The following MMP26 variants were observed in gnomAD, a reference collection of about 807,000 sequenced individuals.
MMP26 encodes matrix metalloproteinase-26.
In MMP26, 33 loss-of-function variants were observed where a neutral mutation model predicts 31.0. The ratio of observed to expected loss-of-function variants is 1.06; its 90% CI spans 0.81 to 1.42. The LOEUF (loss-of-function observed/expected upper bound fraction) is 1.42. MMP26 is among the 40% of genes most tolerant of loss of function. MMP26 has a pLI of 0.00. For synonymous variants in MMP26, 122 were observed against 114.9 expected (o/e 1.06, Z -0.40); for missense variants, 347 against 316.1 (o/e 1.10, Z -0.74).
intron 2 of MMP26, chr11:4,863,748 A>G (rs1007057980): frequency 6.6e-6 from 1 of 152,160 alleles, no homozygotes; most frequent in Admixed American, 6.6e-5. Context: ...CAAGGATTTC[A>G]CAACACCTCT....
At position 4,874,736 on chromosome 11, in the gene MMP26, G is replaced by A. The variant is rs534442611; in HGVS notation, c.-145+107395G>A. Among the ~76,000 whole-genome samples the A allele has an allele frequency of 3.3e-5, 5 of 152,182 alleles. No homozygotes were observed. In the East Asian group the frequency reaches 7.7e-4, roughly 24 times the overall value. The stretch of plus-strand genomic sequence containing the variant: ...GCCTGAAAAGGTGATTAGCTCAGCT[G>A]CACATTTGGATAAATGTTCTTAAGA... On this transcript the variant is annotated intron_variant, in intron 2 of 7. Coordinates refer to ENST00000380390, the MANE Select transcript of MMP26 (RefSeq NM_021801.5).
At chr11:4,727,208 T>G (rs1848112389) in intron 1 of MMP26, among the ~76,000 whole-genome samples, 1 of 152,030 alleles carries the variant, frequency 6.6e-6, no homozygotes, top group African/African-American at 2.4e-5. Context: ...AAACAAAAAC[T>G]CCATTTGCTT....
Position 4,770,490 on chromosome 11 carries a change from C to T in MMP26, c.-145+3149C>T, listed in dbSNP as rs905332904. ...AGAAAAACAATGAGGACAGAACTCTCCAGAAGACTGGAATGCACTATATAC... is the reference window on the plus strand; with the variant it reads ...AGAAAAACAATGAGGACAGAACTCTTCAGAAGACTGGAATGCACTATATAC... On this transcript the variant is annotated intron_variant, in intron 2 of 7. Transcript: ENST00000380390. Among the ~76,000 whole-genome samples the T allele has an allele frequency of 2.6e-5, 4 of 152,082 alleles. No homozygotes were observed. In the East Asian group the frequency reaches 7.7e-4, roughly 29 times the overall value.
rs369202020 is a variant in MMP26, at chr11:4,955,460, C to T, written c.-144-32608C>T. 1.6e-6 allele frequency: 2 copies of T among 1,233,536 alleles called. 1 individual carries two copies. The highest frequency in any genetic ancestry group is 3.3e-5 in the African/African-American group (2 of 61,196). The allele number at this position is 1,233,536 out of a possible 1,614,324, so 76.4% of individuals were successfully genotyped here. On this transcript the variant is annotated intron_variant, in intron 2 of 7. Transcript: ENST00000380390. ...TTCAGGGGCATTGAACAGGAAGATG[C>T]TTAACACAGTGGGCAGAGATGATAA...
intron 2 of MMP26, among the ~76,000 whole-genome samples, chr11:4,864,448 A>G (rs1157843795): frequency 6.6e-6 from 1 of 152,158 alleles, no homozygotes; most frequent in Non-Finnish European, 1.5e-5. Context: ...ACAGCAGAAA[A>G]CAAAAGTCAG....
intron 2 of MMP26, among the ~76,000 whole-genome samples, chr11:4,838,525 T>C (rs1048093631): frequency 1.3e-5 from 2 of 151,844 alleles, no homozygotes; most frequent in African/African-American, 4.8e-5. Context: ...TATTAGAGCA[T>C]TGCTTGGAGT....
intron 2 of MMP26, among the ~76,000 whole-genome samples, chr11:4,829,211 A>G (rs555253662): frequency 4.5e-4 from 68 of 152,284 alleles, no homozygotes; most frequent in Middle Eastern, 3.4e-3. Context: ...TCTGCATATT[A>G]TCAAATCTTC....
At chr11:4,910,517 T>C (rs1850974886) in intron 2 of MMP26, among the ~76,000 whole-genome samples, 1 of 152,158 alleles carries the variant, frequency 6.6e-6, no homozygotes, top group Admixed American at 6.5e-5. Flanking sequence ...TATCTATTTA[T>C]TTCTTTAGCA....
rs1240868007 is a variant in MMP26, at chr11:4,988,273, C to T, written c.62C>T (p.Pro21Leu). Residue 21 changes from proline (P) to leucine (L), a missense_variant, in exon 3 of 8, where the codon CCC (proline) becomes CTC (leucine). Physicochemically the swap from Pro to Leu is moderately conservative, Grantham distance 98. Transcript: ENST00000380390. Reference protein sequence around the residue: ...FLPWCFAVPVPPAADHKGWDF... With the variant: ...FLPWCFAVPVLPAADHKGWDF... ...CCCTGGTGTTTCGCCGTTCCAGTGC[C>T]CCCTGCTGCAGACCATAAAGGATGG... The T allele has an allele frequency of 1.2e-6, 2 of 1,613,868 alleles. No individual in the cohort carries two copies. The highest frequency in any genetic ancestry group is 1.3e-5 in the African/African-American group (1 of 74,830).
chr11:4,829,136 A>G (rs772313284), intron 2 of MMP26, among the ~76,000 whole-genome samples: 5 of 152,194 alleles, frequency 3.3e-5, no homozygotes, highest in Non-Finnish European at 7.3e-5. Flanking sequence ...ATGATCTTGC[A>G]GTAAAAGGCT....
intron 2 of MMP26, among the ~76,000 whole-genome samples, chr11:4,932,535 G>A (rs1392460046): frequency 2.0e-5 from 3 of 152,142 alleles, no homozygotes; most frequent in Non-Finnish European, 4.4e-5. Context: ...CTCAGCAAGC[G>A]TCAGCTACCA....
chr11:4,821,428 G>A, intron 2 of MMP26: 1 of 1,613,804 alleles, frequency 6.2e-7, no homozygotes, highest in Non-Finnish European at 8.5e-7. Context: ...CCCTATGTCG[G>A]TCCTCAATAA....
chr11:4,706,574 T>G (rs1471515114), intron 1 of MMP26, among the ~76,000 whole-genome samples: 8 of 54,386 alleles, frequency 1.5e-4, no homozygotes, highest in African/African-American at 6.3e-4. Flanking sequence ...CAAGACCCTA[T>G]CTCAAAAAAA....
At chr11:4,844,680 A>T (rs561450987) in intron 2 of MMP26, among the ~76,000 whole-genome samples, 1 of 152,306 alleles carries the variant, frequency 6.6e-6, no homozygotes, top group South Asian at 2.1e-4. Context: ...CATTTCAATT[A>T]ATGCTGAAAA....
chr11:4,902,423 A>G (rs113650360), intron 2 of MMP26, among the ~76,000 whole-genome samples: 1 of 152,162 alleles, frequency 6.6e-6, no homozygotes, highest in African/African-American at 2.4e-5. Flanking sequence ...TTCCAGATGC[A>G]TCCATGTTGC....
At position 4,988,269 on chromosome 11, in the gene MMP26, G is replaced by T; in HGVS notation, c.58G>T (p.Val20Leu). ...IFLPWCFAVP[V>L]PPAADHKGWD... ...CTTGCCCTGGTGTTTCGCCGTTCCAGTGCCCCCTGCTGCAGACCATAAAGG... is the reference window on the plus strand; with the variant it reads ...CTTGCCCTGGTGTTTCGCCGTTCCATTGCCCCCTGCTGCAGACCATAAAGG... Residue 20 changes from valine (V) to leucine (L), a missense_variant, in exon 3 of 8, where the codon GTG (valine) becomes TTG (leucine). Transcript: ENST00000380390. 1.2e-6 allele frequency: 2 copies of T among 1,614,102 alleles called. No homozygotes were observed. Among genetic ancestry groups the T allele is most frequent in the Non-Finnish European group, 1.7e-6 (2 of 1,180,036 alleles).
At chr11:4,751,357 C>A (rs918010059) in intron 1 of MMP26, among the ~76,000 whole-genome samples, 2 of 151,976 alleles carry the variant, frequency 1.3e-5, no homozygotes, top group Non-Finnish European at 2.9e-5. Flanking sequence ...ATGAACAAAG[C>A]AATATGAAAA....
intron 2 of MMP26, among the ~76,000 whole-genome samples, chr11:4,884,161 A>C (rs137866766): frequency 1.3e-5 from 2 of 152,254 alleles, no homozygotes; most frequent in African/African-American, 4.8e-5. Context: ...CCTTTCATGC[A>C]TTATACTCAG....
intron 2 of MMP26, among the ~76,000 whole-genome samples, chr11:4,791,112 A>T (rs895934660): frequency 4.6e-5 from 7 of 152,160 alleles, no homozygotes; most frequent in Non-Finnish European, 7.4e-5. Flanking sequence ...GCCCTGATAA[A>T]TCTGAAGCGT....
Sources: allele counts gnomAD v4.1 joint callset (sites outside exome capture counted in the v4.1 genomes callset), GRCh38; gene constraint gnomAD v4.1.1; transcripts MANE v1.5; gene names NCBI Gene and HGNC (gene_info 2026-07-23, HGNC 2026-07-21).